The following MAN2B2 variants were observed in gnomAD, a reference collection of about 807,000 sequenced individuals.
MAN2B2 encodes the protein mannosidase alpha class 2B member 2.
Under a neutral mutation model 117.1 loss-of-function variants are expected in MAN2B2, and 106 were observed. The observed-to-expected ratio is 0.90, with a 90% CI of 0.77 to 1.06. The LOEUF is 1.06. Ranked by LOEUF, MAN2B2 falls within the 50% of genes least tolerant of loss-of-function variation. MAN2B2 has a pLI of 0.00. For synonymous variants in MAN2B2, 544 were observed against 595.1 expected (o/e 0.91, Z 1.25); for missense variants, 1,326 against 1,381.4 (o/e 0.96, Z 0.64).
In MAN2B2 at chr4:6,581,808, G is replaced by A. The variant is rs1008853667; in HGVS notation, c.391+3310G>A. 1.1e-4 allele frequency among the ~76,000 whole-genome samples: 17 copies of A among 151,754 alleles called. No individual in the cohort carries two copies. The East Asian group carries it at 1.6e-3, about 14-fold the overall frequency. On this transcript the variant is annotated intron_variant, in intron 3 of 18. Coordinates refer to ENST00000285599, the MANE Select transcript of MAN2B2 (RefSeq NM_015274.3). ...AGGGCCTGGGGCACTGGGCCTGCCCGTAAGCTCACCTTTCCAGCCTTTACC... is the reference window on the plus strand; with the variant it reads ...AGGGCCTGGGGCACTGGGCCTGCCCATAAGCTCACCTTTCCAGCCTTTACC...
intron 2 of MAN2B2, among the ~76,000 whole-genome samples, chr4:6,577,648 G>C (rs771136073): frequency 1.3e-5 from 2 of 152,236 alleles, no homozygotes; most frequent in Non-Finnish European, 2.9e-5. Context: ...TTCTGAGCCA[G>C]GCATGCCTGA....
At position 6,610,174 on chromosome 4, in the gene MAN2B2, T is replaced by C. The variant is rs1309729591; in HGVS notation, c.2259+124T>C. ...GTGAGAATGTTTTTTTCCTTTTTTT[T>C]AAGATGGAGTCTCACTCTGTCACCC... is the stretch of plus-strand genomic sequence containing the variant. On this transcript the variant is annotated intron_variant, in intron 13 of 18. Transcript: ENST00000285599. 2.2e-6 allele frequency: 3 copies of C among 1,346,172 alleles called. No homozygotes were observed. In the African/African-American group the frequency reaches 4.4e-5, roughly 20 times the overall value. 83.4% of individuals were successfully genotyped at this position (1,346,172 alleles called of 1,614,324 possible). A position where few individuals can be genotyped will look rare whatever the true frequency, so the allele number is the denominator to read the frequency against.
intron 1 of MAN2B2, 124 bp from the exon 2 acceptor site, chr4:6,576,454 T>C: frequency 8.9e-7 from 1 of 1,129,018 alleles, no homozygotes; most frequent in Non-Finnish European, 1.3e-6. Context: ...GTGTGGGGGG[T>C]GAGCAGCAGG....
chr4:6,614,131 AG>A, intron 15 of MAN2B2, 86 bp from the exon 16 acceptor site: 1 of 1,506,906 alleles, frequency 6.6e-7, no homozygotes, highest in Non-Finnish European at 9.0e-7. Flanking sequence ...TGGCAGGGGC[AG>A]GGGCATGTAA....
At chr4:6,614,612 C>T (rs1711770546) in intron 16 of MAN2B2, among the ~76,000 whole-genome samples, 1 of 152,178 alleles carries the variant, frequency 6.6e-6, no homozygotes, top group African/African-American at 2.4e-5. Context: ...TCTCAGCCTG[C>T]CACCCCCAGC....
intron 11 of MAN2B2, among the ~76,000 whole-genome samples, chr4:6,607,780 T>C (rs1331620948): frequency 6.6e-6 from 1 of 152,210 alleles, no homozygotes; most frequent in Non-Finnish European, 1.5e-5. Context: ...AAGCTAACTC[T>C]ATGTTTAACT....
chr4:6,584,701 T>C (rs1184459144), intron 3 of MAN2B2, among the ~76,000 whole-genome samples: 3 of 152,228 alleles, frequency 2.0e-5, no homozygotes, highest in African/African-American at 7.2e-5. Context: ...ACAGAGGAAC[T>C]CGAGGCCTGG....
rs10014974 is a variant in MAN2B2 at position 6,597,566 on chromosome 4, C to T, written c.1248+263C>T. Among the ~76,000 whole-genome samples the T allele has an allele frequency of 0.022, 3,402 of 152,340 alleles. 132 individuals are homozygous for T. The highest frequency in any genetic ancestry group is 0.078 in the African/African-American group (3,234 of 41,566). ...AGGGATAAAGGACAAGGTGGAGTGG[C>T]ATTTGTGTCCGACAGCCCTGCCTGC... is the stretch of plus-strand genomic sequence containing the variant. On this transcript the variant is annotated intron_variant, in intron 8 of 18. Coordinates refer to ENST00000285599, the MANE Select transcript of MAN2B2 (RefSeq NM_015274.3).
intron 10 of MAN2B2, 132 bp from the exon 11 acceptor site, chr4:6,604,922 CT>C (rs776472283): frequency 2.7e-6 from 3 of 1,108,370 alleles, no homozygotes; most frequent in Non-Finnish European, 2.6e-6. Flanking sequence ...AAAGCCAGAA[CT>C]GGGGGCAGGG....
At chr4:6,583,328 T>A (rs1726511700) in intron 3 of MAN2B2, among the ~76,000 whole-genome samples, 1 of 152,166 alleles carries the variant, frequency 6.6e-6, no homozygotes. Context: ...CAGAGTGGTG[T>A]CATGTGACCT....
At position 6,609,871 on chromosome 4, in the gene MAN2B2, G is replaced by A. The variant is rs771750903; in HGVS notation, c.2080G>A (p.Glu694Lys). 1 of 1,614,102 alleles carries A rather than the reference G, an allele frequency of 6.2e-7. No individual in the cohort carries two copies. The highest frequency in any genetic ancestry group is 2.2e-5 in the East Asian group (1 of 44,872). Reference protein sequence around the residue: ...LTHVPQGHDGELLCHRIEQEY... With the variant: ...LTHVPQGHDGKLLCHRIEQEY... ...CCATGTGCCGCAGGGCCATGACGGG[G>A]AGCTGCTCTGCCACCGGATAGAGCA... Residue 694 changes from glutamate to lysine, a missense_variant, in exon 13 of 19, where the codon GAG becomes AAG. Transcript: ENST00000285599.
chr4:6,621,649 C>A lies in MAN2B2; in HGVS notation c.*364C>A. ...ACCGAAGCGCATCTGCCGTCCGGGC[C>A]CTGCCAGGCTTGCCAGGCTGCCAGT... On this transcript the variant is annotated 3_prime_UTR_variant, in exon 19 of 19. Coordinates refer to ENST00000285599, the MANE Select transcript of MAN2B2 (RefSeq NM_015274.3). 1 of 178,440 alleles carries A rather than the reference C, an allele frequency of 5.6e-6. No homozygotes were observed. The highest frequency in any genetic ancestry group is 1.6e-4 in the East Asian group (1 of 6,104). 11.1% of individuals were successfully genotyped at this position (178,440 alleles called of 1,614,324 possible).
intron 4 of MAN2B2, among the ~76,000 whole-genome samples, chr4:6,587,498 A>T: frequency 6.6e-6 from 1 of 152,120 alleles, no homozygotes; most frequent in Admixed American, 6.5e-5. Context: ...GGCACTCAGT[A>T]AGCAGGGGTG....
chr4:6,575,882 C>T (rs1176079845), intron 1 of MAN2B2, among the ~76,000 whole-genome samples: 2 of 152,164 alleles, frequency 1.3e-5, no homozygotes, highest in South Asian at 4.1e-4. Context: ...GGAAGCATGC[C>T]CACTACAGCC....
At chr4:6,620,958 G>T in intron 18 of MAN2B2, 1 of 519,444 alleles carries the variant, frequency 1.9e-6, no homozygotes, top group Non-Finnish European at 3.4e-6. Context: ...CAGGAGTCCT[G>T]GCAGAAGGGG....
intron 10 of MAN2B2, among the ~76,000 whole-genome samples, chr4:6,604,339 T>C (rs1727446976): frequency 6.7e-6 from 1 of 150,360 alleles, no homozygotes; most frequent in South Asian, 2.1e-4. Flanking sequence ...GTGCAGATGC[T>C]GGGCAGTTAC....
At position 6,620,039 on chromosome 4, in the gene MAN2B2, A is replaced by G; in HGVS notation, c.2927A>G (p.His976Arg). Residue 976 changes from histidine (H) to arginine (R), a missense_variant, in exon 18 of 19, where the codon CAC becomes CGC. Physicochemically the swap from His to Arg is conservative, Grantham distance 29. Transcript: ENST00000285599. The part of the protein sequence containing the change: ...RWSWRTGPGR[H>R]RGDTTSPSRP... The stretch of plus-strand genomic sequence containing the variant: ...AGCTGGAGGACGGGGCCTGGCCGCC[A>G]CAGAGGTTTGGGGACCCCCGCTTCA... The G allele has an allele frequency of 6.2e-7, 1 of 1,610,954 alleles. No homozygotes were observed. The highest frequency in any genetic ancestry group is 1.7e-4 in the Middle Eastern group (1 of 5,822).
rs896403900 is a variant in MAN2B2, at chr4:6,622,667, C to G, written c.*1382C>G. The G allele has an allele frequency of 3.3e-5, 5 of 152,230 alleles. No homozygotes were observed. The highest frequency in any genetic ancestry group is 7.3e-5 in the Non-Finnish European group (5 of 68,086). 9.4% of individuals were successfully genotyped at this position (152,230 alleles called of 1,614,324 possible). ...GCCAGGCTGATCTGGAACTCCTGACCTCAGGTGATCTGCCTGCCCCGGCCT... is the reference window on the plus strand; with the variant it reads ...GCCAGGCTGATCTGGAACTCCTGACGTCAGGTGATCTGCCTGCCCCGGCCT... On this transcript the variant is annotated 3_prime_UTR_variant, in exon 19 of 19. Coordinates refer to ENST00000285599, the MANE Select transcript of MAN2B2 (RefSeq NM_015274.3).
intron 5 of MAN2B2, among the ~76,000 whole-genome samples, chr4:6,591,568 G>A (rs1726861042): frequency 6.6e-6 from 1 of 152,194 alleles, no homozygotes; most frequent in South Asian, 2.1e-4. Flanking sequence ...CAGGTGGGGT[G>A]CAGCTGGTCT....
Sources: gnomAD v4.1 joint callset for allele counts (sites outside exome capture counted in the v4.1 genomes callset) on GRCh38, gnomAD v4.1.1 for gene constraint, MANE v1.5 for transcripts, NCBI Gene and HGNC (gene_info 2026-07-23, HGNC 2026-07-21) for gene names.